The following SNX9 variants were observed in gnomAD, a reference collection of about 807,000 sequenced individuals.
SNX9 encodes the protein sorting nexin-9.
In SNX9, 44 loss-of-function variants were observed where a neutral mutation model predicts 89.4. The observed-to-expected ratio is 0.49, with a 90% confidence interval of 0.39 to 0.63. The LOEUF (loss-of-function observed/expected upper bound fraction) is 0.63, where lower values mean the gene tolerates loss of function less well. SNX9 is among the 30% of genes least tolerant of loss of function. SNX9 has a pLI of 0.00. For missense variants in SNX9, 578 were observed against 736.1 expected, an observed-to-expected ratio of 0.79 and a Z score of 2.49; for synonymous variants, 236 against 247.8, an observed-to-expected ratio of 0.95 and a Z score of 0.45.
chr6:157,866,431 G>A (rs1440251397), intron 1 of SNX9, among the ~76,000 whole-genome samples: 1 of 152,060 alleles, frequency 6.6e-6, no homozygotes, highest in Non-Finnish European at 1.5e-5. Context: ...AAAATTAGCT[G>A]GGCAGGGTGG....
chr6:157,845,935 A>T (rs1781798337), intron 1 of SNX9, among the ~76,000 whole-genome samples: 1 of 152,228 alleles, frequency 6.6e-6, no homozygotes, highest in South Asian at 2.1e-4. Flanking sequence ...GCCATATCAT[A>T]ATTTACAAAA....
intron 9 of SNX9, among the ~76,000 whole-genome samples, chr6:157,914,371 A>C (rs1374238141): frequency 6.6e-6 from 1 of 151,868 alleles, no homozygotes; most frequent in Non-Finnish European, 1.5e-5. Context: ...GAGATTTTTA[A>C]AATATATATA....
chr6:157,826,502 G>GA lies in SNX9; in HGVS notation c.12+3072dup, dbSNP rs760974913. Reference sequence around the variant, plus strand: ...GTGACAGAGTGAGACTCCATCTCAAGAAAAAAAAAAAAAAAAGGAAAGTTA... The same window carrying GA: ...GTGACAGAGTGAGACTCCATCTCAAGAAAAAAAAAAAAAAAAAGGAAAGTTA... On this transcript the variant is annotated intron_variant, in intron 1 of 17. Coordinates refer to ENST00000392185, the MANE Select transcript of SNX9 (RefSeq NM_016224.5). Among the ~76,000 whole-genome samples, 453 of 77,960 alleles carry GA rather than the reference G, an allele frequency of 5.8e-3. 1 individual carries two copies. Among genetic ancestry groups the GA allele is most frequent in the Middle Eastern group, 8.3e-3 (1 of 120 alleles). The allele number at this position is 77,960 out of a possible 152,430, so 51.1% of individuals were successfully genotyped here. A position where few individuals can be genotyped will look rare whatever the true frequency, so the allele number is the denominator to read the frequency against.
chr6:157,875,324 G>A lies in SNX9; in HGVS notation c.300+148G>A, dbSNP rs576445232. The stretch of plus-strand genomic sequence containing the variant: ...GGTTGTTCTGTGGCATTTCTGTTGG[G>A]TACTAACAAAGAAATCACCTGTTAA... On this transcript the variant is annotated intron_variant, in intron 4 of 17. Coordinates refer to ENST00000392185, the MANE Select transcript of SNX9 (RefSeq NM_016224.5). The A allele has an allele frequency of 2.2e-3, 2,365 of 1,098,144 alleles. 5 individuals carry two copies. Among genetic ancestry groups the A allele is most frequent in the Non-Finnish European group, 2.6e-3 (2,111 of 810,760 alleles). The allele number at this position is 1,098,144 out of a possible 1,614,324, so 68.0% of individuals were successfully genotyped here.
intron 1 of SNX9, among the ~76,000 whole-genome samples, chr6:157,856,342 G>C (rs1361139606): frequency 1.3e-5 from 2 of 152,162 alleles, no homozygotes. Context: ...CCAGCTCATA[G>C]CCTTATTTCA....
intron 11 of SNX9, among the ~76,000 whole-genome samples, 153 bp from the exon 12 acceptor site, chr6:157,928,446 G>A (rs1478212972): frequency 6.6e-6 from 1 of 152,238 alleles, no homozygotes; most frequent in African/African-American, 2.4e-5. Context: ...TTCTTTAAAT[G>A]TCTGCATCAA....
At chr6:157,853,802 AAC>A (rs1431184003) in intron 1 of SNX9, among the ~76,000 whole-genome samples, 1 of 152,090 alleles carries the variant, frequency 6.6e-6, no homozygotes, top group Non-Finnish European at 1.5e-5. Context: ...AAAAAAAAAA[AAC>A]AACAAAGGTG....
intron 5 of SNX9, among the ~76,000 whole-genome samples, chr6:157,900,734 G>A (rs1333007844): frequency 6.6e-6 from 1 of 152,176 alleles, no homozygotes; most frequent in Non-Finnish European, 1.5e-5. Context: ...ACAATATAGT[G>A]TATGCATCAG....
At chr6:157,909,215 T>C (rs1783283221) in intron 7 of SNX9, among the ~76,000 whole-genome samples, 1 of 152,250 alleles carries the variant, frequency 6.6e-6, no homozygotes, top group South Asian at 2.1e-4. Context: ...ATAGGTACAG[T>C]ACATGAGAAT....
chr6:157,876,174 C>T (rs1782515461), intron 4 of SNX9, among the ~76,000 whole-genome samples: 1 of 151,996 alleles, frequency 6.6e-6, no homozygotes, highest in African/African-American at 2.4e-5. Context: ...ATTAGCCAGG[C>T]ACAGTGGCTC....
At chr6:157,848,735 A>G (rs938467345) in intron 1 of SNX9, among the ~76,000 whole-genome samples, 1 of 152,248 alleles carries the variant, frequency 6.6e-6, no homozygotes, top group Non-Finnish European at 1.5e-5. Flanking sequence ...TACAGTTTAG[A>G]GAATGCAGAC....
At chr6:157,876,779 C>T (rs1327929934) in intron 4 of SNX9, among the ~76,000 whole-genome samples, 1 of 152,260 alleles carries the variant, frequency 6.6e-6, no homozygotes, top group Non-Finnish European at 1.5e-5. Context: ...GCGCCCTTTC[C>T]TAGTGGGGCG....
At chr6:157,936,887 T>A (rs941844213) in intron 14 of SNX9, among the ~76,000 whole-genome samples, 26 of 152,100 alleles carry the variant, frequency 1.7e-4, no homozygotes, top group Non-Finnish European at 2.4e-4. Context: ...TTAAAAAAAA[T>A]TTTTTTTCAG....
At chr6:157,932,296 G>A in intron 13 of SNX9, 24 bp downstream of exon 13, 2 of 1,610,792 alleles carry the variant, frequency 1.2e-6, no homozygotes, top group Middle Eastern at 1.7e-4. Flanking sequence ...CATTCATCCA[G>A]TGGGCCTTTA....
At chr6:157,864,903 C>T (rs1782223738) in intron 1 of SNX9, among the ~76,000 whole-genome samples, 1 of 152,170 alleles carries the variant, frequency 6.6e-6, no homozygotes, top group African/African-American at 2.4e-5. Context: ...TGGCGCATGC[C>T]TGTAATCCCA....
At position 157,878,701 on chromosome 6, in the gene SNX9, G is replaced by A. The variant is rs910575951; in HGVS notation, c.300+3525G>A. Among the ~76,000 whole-genome samples the A allele has an allele frequency of 3.9e-5, 6 of 152,094 alleles. No individual in the cohort carries two copies. In the East Asian group the frequency reaches 5.8e-4, roughly 15 times the overall value. ...CCACTTCAGCCTCCCAATTGCATCC[G>A]GCCTATGGAAGCCCTTTCTGAGACT... is the stretch of plus-strand genomic sequence containing the variant. On this transcript the variant is annotated intron_variant, in intron 4 of 17. Transcript: ENST00000392185.
rs1304771344 is a variant in SNX9 at position 157,928,978 on chromosome 6, C to T, written c.1288+276C>T. On this transcript the variant is annotated intron_variant, in intron 12 of 17. Transcript: ENST00000392185. ...GCTTTATAATCTTTGGAAAATTAAT[C>T]ATTTTTGCATGTTTTCAGAGTGCTT... Among the ~76,000 whole-genome samples the T allele has an allele frequency of 2.0e-5, 3 of 152,134 alleles. No individual in the cohort carries two copies. The East Asian group carries it at 5.8e-4, about 29-fold the overall frequency.
chr6:157,850,638 T>C (rs1007552084), intron 1 of SNX9, among the ~76,000 whole-genome samples: 10 of 152,222 alleles, frequency 6.6e-5, no homozygotes, highest in African/African-American at 2.2e-4. Flanking sequence ...GGGCCTGTTA[T>C]GTAACCCCCA....
intron 1 of SNX9, among the ~76,000 whole-genome samples, chr6:157,837,216 T>C (rs971662199): frequency 1.1e-4 from 17 of 152,276 alleles, no homozygotes; most frequent in Non-Finnish European, 2.4e-4. Flanking sequence ...TCAGTTCTTT[T>C]GATTGATCGT....
Sources: gnomAD v4.1 joint callset for allele counts (sites outside exome capture counted in the v4.1 genomes callset) on GRCh38, gnomAD v4.1.1 for gene constraint, MANE v1.5 for transcripts, NCBI Gene and HGNC (gene_info 2026-07-23, HGNC 2026-07-21) for gene names.